TMEM62: variants seen among roughly 807,000 people sequenced by gnomAD.
TMEM62 encodes the protein transmembrane protein 62.
TMEM62 carries 41 observed loss-of-function variants against 70.4 expected under a neutral mutation model. The ratio of observed to expected loss-of-function variants is 0.58; its 90% CI spans 0.45 to 0.76. The LOEUF is 0.76. Ranked by LOEUF, TMEM62 falls within the 30% of genes least tolerant of loss-of-function variation. TMEM62 has a pLI of 0.00. For missense variants in TMEM62, 688 were observed against 788.5 expected, an observed-to-expected ratio of 0.87 and a Z score of 1.53; for synonymous variants, 268 against 291.0, an observed-to-expected ratio of 0.92 and a Z score of 0.80.
intron 10 of TMEM62, among the ~76,000 whole-genome samples, chr15:43,167,634 T>A (rs1484219217): frequency 6.8e-6 from 1 of 146,084 alleles, no homozygotes; most frequent in Admixed American, 6.8e-5. Context: ...CTCCTCACTT[T>A]CCAGACTGGG....
In TMEM62 at chr15:43,169,692, CT is replaced by C; in HGVS notation, c.1381+19del. 1 of 1,601,280 alleles carries C rather than the reference CT, an allele frequency of 6.2e-7. No individual in the cohort carries two copies. The highest frequency in any genetic ancestry group is 1.1e-5 in the South Asian group (1 of 90,246). On this transcript the variant is annotated intron_variant, in intron 11 of 13. Coordinates refer to ENST00000260403, the MANE Select transcript of TMEM62 (RefSeq NM_024956.4). ...AGAGCTTAAAGGTTAGTTATGGTTC[CT>C]TTTATTCCTATAAGCCTTGTTCATG...
chr15:43,169,553 C>T, intron 10 of TMEM62, 40 bp from the exon 11 acceptor site: 1 of 1,530,124 alleles, frequency 6.5e-7, no homozygotes, highest in Non-Finnish European at 9.0e-7. Context: ...TGAAAGTGTA[C>T]CCATGTATCT....
At chr15:43,143,037 T>C (rs915783352) in intron 4 of TMEM62, among the ~76,000 whole-genome samples, 2 of 151,946 alleles carry the variant, frequency 1.3e-5, no homozygotes, top group Admixed American at 1.3e-4. Context: ...GCACACTAAA[T>C]AGACTATAGT....
At chr15:43,178,553 A>G in intron 11 of TMEM62, 54 bp from the exon 12 acceptor site, 9 of 1,150,888 alleles carry the variant, frequency 7.8e-6, no homozygotes, top group Non-Finnish European at 1.0e-5. Flanking sequence ...AAATGTCATA[A>G]AGAAACTGAA....
chr15:43,168,140 GGAGAGA>G (rs1259511833), intron 10 of TMEM62, among the ~76,000 whole-genome samples: 4 of 134,440 alleles, frequency 3.0e-5, no homozygotes, highest in African/African-American at 1.1e-4. Flanking sequence ...GAGACCGTGG[GGAGAGA>G]GAGGGAGAGG....
Position 43,169,652 on chromosome 15 carries a change from A to AT in TMEM62, c.1357dup (p.Tyr453LeufsTer8), listed in dbSNP as rs761210067. On this transcript the variant is annotated frameshift_variant, in exon 11 of 14. Transcript: ENST00000260403. LOFTEE classifies it high-confidence loss of function. The stretch of plus-strand genomic sequence containing the variant: ...AGCTCACCATTCTCATTATTTTTAG[A>AT]TATCGAGGATACCCAGAGCTTAAAG... 1.2e-4 allele frequency: 200 copies of AT among 1,613,910 alleles called. No homozygotes were observed. Among genetic ancestry groups the AT allele is most frequent in the African/African-American group, 1.6e-4 (12 of 74,886 alleles).
rs763726205 is a variant in TMEM62 at position 43,174,776 on chromosome 15, C to T, written c.1382-3831C>T. 5.9e-5 allele frequency among the ~76,000 whole-genome samples: 9 copies of T among 152,300 alleles called. No homozygotes were observed. In the South Asian group the frequency reaches 6.2e-4, roughly 11 times the overall value. On this transcript the variant is annotated intron_variant, in intron 11 of 13. Transcript: ENST00000260403. Reference sequence around the variant, plus strand: ...CTAAACAAGACTTTTCCACTTTGGTCGTACCTTAGAAACTGCTGGGGGAAC... The same window carrying T: ...CTAAACAAGACTTTTCCACTTTGGTTGTACCTTAGAAACTGCTGGGGGAAC...
At chr15:43,143,669 T>C (rs988779412) in intron 4 of TMEM62, among the ~76,000 whole-genome samples, 5 of 152,236 alleles carry the variant, frequency 3.3e-5, no homozygotes, top group Admixed American at 1.3e-4. Context: ...GCCCAGTTAG[T>C]CACCTGGCTG....
intron 4 of TMEM62, among the ~76,000 whole-genome samples, chr15:43,143,580 T>C (rs1022645785): frequency 5.3e-5 from 8 of 152,236 alleles, no homozygotes; most frequent in Non-Finnish European, 1.2e-4. Context: ...TATCAGAGCT[T>C]GTCAGCCACA....
intron 12 of TMEM62, among the ~76,000 whole-genome samples, chr15:43,179,063 T>G (rs958390804): frequency 7.2e-5 from 11 of 152,212 alleles, no homozygotes. Context: ...TTATCAGAAT[T>G]TATACCTATC....
intron 7 of TMEM62, among the ~76,000 whole-genome samples, chr15:43,151,232 G>A (rs2037331378): frequency 6.6e-6 from 1 of 151,274 alleles, no homozygotes; most frequent in Non-Finnish European, 1.5e-5. Context: ...AGCTACTTGG[G>A]AGGCTGAGGC....
chr15:43,148,760 G>A lies in TMEM62; in HGVS notation c.624G>A (p.Lys208=). ...YNFFGILDKK[K]MEELLLLAKE... is the part of the protein sequence containing the mutation. ...CCATTTTTCTCCCATCTCAGAAAAAGATGGAGGAGCTCTTATTACTGGCCA... is the reference window on the plus strand; with the variant it reads ...CCATTTTTCTCCCATCTCAGAAAAAAATGGAGGAGCTCTTATTACTGGCCA... Residue 208 remains lysine, a synonymous_variant, in exon 6 of 14, where the codon AAG becomes AAA. Transcript: ENST00000260403. 1 of 1,612,854 alleles carries A rather than the reference G, an allele frequency of 6.2e-7. No individual in the cohort carries two copies. Among genetic ancestry groups the A allele is most frequent in the South Asian group, 1.1e-5 (1 of 90,694 alleles).
At chr15:43,136,471 G>A (rs1463272801) in intron 3 of TMEM62, among the ~76,000 whole-genome samples, 3 of 152,050 alleles carry the variant, frequency 2.0e-5, no homozygotes, top group African/African-American at 7.2e-5. Context: ...GTGAGACAGA[G>A]TCTCACTCTA....
At chr15:43,178,234 G>A (rs2040970964) in intron 11 of TMEM62, among the ~76,000 whole-genome samples, 1 of 151,822 alleles carries the variant, frequency 6.6e-6, no homozygotes, top group Admixed American at 6.6e-5. Context: ...AGATAAAATA[G>A]TATGGTGCTC....
At chr15:43,138,976 C>T (rs2035624251) in intron 4 of TMEM62, among the ~76,000 whole-genome samples, 1 of 152,186 alleles carries the variant, frequency 6.6e-6, no homozygotes, top group Non-Finnish European at 1.5e-5. Flanking sequence ...GTTTCATATA[C>T]AGGCATACCT....
chr15:43,167,457 C>T (rs985703167), intron 10 of TMEM62, among the ~76,000 whole-genome samples: 1 of 147,376 alleles, frequency 6.8e-6, no homozygotes, highest in Non-Finnish European at 1.5e-5. Context: ...CGGGGCGGCC[C>T]GGCAGAGACG....
chr15:43,146,688 G>A (rs1437670869), intron 5 of TMEM62, 54 bp downstream of exon 5: 16 of 1,448,852 alleles, frequency 1.1e-5, no homozygotes, highest in East Asian at 4.6e-5. Context: ...TCATGGATAC[G>A]TGTGGATCAC....
rs574465117 is a variant in TMEM62 at position 43,134,449 on chromosome 15, G to C, written c.292+81G>C. The C allele has an allele frequency of 7.7e-5, 87 of 1,135,892 alleles. 1 individual carries two copies. The Middle Eastern group carries it at 1.0e-3, about 14-fold the overall frequency. The allele number at this position is 1,135,892 out of a possible 1,614,324, so 70.4% of individuals were successfully genotyped here. A position where few individuals can be genotyped will look rare whatever the true frequency, so the allele number is the denominator to read the frequency against. On this transcript the variant is annotated intron_variant, in intron 2 of 13. Transcript: ENST00000260403. ...AGCCAGGGCTGTGGCTTTTCATTTTGGGGACGTTGGGAGCAGTATAGCCAC... is the reference window on the plus strand; with the variant it reads ...AGCCAGGGCTGTGGCTTTTCATTTTCGGGACGTTGGGAGCAGTATAGCCAC...
intron 11 of TMEM62, among the ~76,000 whole-genome samples, chr15:43,176,619 AGG>A (rs2040783553): frequency 6.6e-6 from 1 of 152,128 alleles, no homozygotes; most frequent in Admixed American, 6.5e-5. Context: ...CCTGCAGCTG[AGG>A]GTCCTGTCTG....
Sources: allele counts gnomAD v4.1 joint callset (sites outside exome capture counted in the v4.1 genomes callset), GRCh38; gene constraint gnomAD v4.1.1; transcripts MANE v1.5; gene names NCBI Gene and HGNC (gene_info 2026-07-23, HGNC 2026-07-21).